MEX3D: variants seen among roughly 807,000 people sequenced by gnomAD.
MEX3D encodes the protein RNA-binding protein MEX3D.
Under a neutral mutation model 6.3 loss-of-function variants are expected in MEX3D, and 4 were observed. The ratio of observed to expected loss-of-function variants is 0.64; its 90% CI spans 0.31 to 1.46. The LOEUF is 1.46. Among genes scored for constraint, MEX3D ranks in the 40% most tolerant of loss-of-function variants. The pLI, the probability that MEX3D is intolerant of heterozygous loss-of-function variation, is 0.07. For missense variants in MEX3D, 1,038 were observed against 994.4 expected (o/e 1.04, Z -0.59); for synonymous variants, 626 against 494.1 (o/e 1.27, Z -3.54).
chr19:1,564,853 G>C (rs1914801010), intron 1 of MEX3D, among the ~76,000 whole-genome samples: 1 of 152,052 alleles, frequency 6.6e-6, no homozygotes, highest in Admixed American at 6.6e-5. Flanking sequence ...AGGAAGGTGA[G>C]TAAAGGGGCA....
chr19:1,567,326 G>T lies in MEX3D; in HGVS notation c.595+138C>A. 9.8e-7 allele frequency: 1 copy of T among 1,023,316 alleles called. No individual in the cohort carries two copies. Among genetic ancestry groups the T allele is most frequent in the Non-Finnish European group, 1.3e-6 (1 of 776,854 alleles). The allele number at this position is 1,023,316 out of a possible 1,614,324, so 63.4% of individuals were successfully genotyped here. On this transcript the variant is annotated intron_variant, in intron 1 of 1. Transcript: ENST00000402693. The surrounding 1 kb of genome is among the most constrained non-coding windows in gnomAD (Gnocchi z 6.5). ...GCAGGACAAAGGCGCAAAGGCAGCG[G>T]CCGAGGCCGGAGCCCACGCGGGGCG... is the stretch of plus-strand genomic sequence containing the variant.
rs368175378 is a variant in MEX3D at position 1,556,944 on chromosome 19, G to A, written c.596-21C>T. On this transcript the variant is annotated intron_variant, in intron 1 of 1. Coordinates refer to ENST00000402693, the MANE Select transcript of MEX3D (RefSeq NM_203304.4). This position sits in a 1 kb window ranked among gnomAD's most constrained non-coding sequence, Gnocchi z 7.5. ...GCAGCCTGTCCGGGAGGGAGGGGAA[G>A]GACAAGGTGACCCAGAGCCCCCTGC... is the stretch of plus-strand genomic sequence containing the variant. 952 of 1,576,338 alleles carry A rather than the reference G, an allele frequency of 6.0e-4. 1 individual carries two copies. Among genetic ancestry groups the A allele is most frequent in the Non-Finnish European group, 7.5e-4 (877 of 1,165,104 alleles).
chr19:1,562,264 A>AGAAAAGAAAAG (rs1229355634), intron 1 of MEX3D, among the ~76,000 whole-genome samples: 18 of 149,768 alleles, frequency 1.2e-4, no homozygotes, highest in South Asian at 2.1e-4. Context: ...CCGTCTCAAA[A>AGAAAAGAAAAG]AAAAAAAAAA....
Position 1,555,797 on chromosome 19 carries a change from G to A in MEX3D, c.1722C>T (p.Ala574=). 7.2e-7 allele frequency: 1 copy of A among 1,395,666 alleles called. No homozygotes were observed. The highest frequency in any genetic ancestry group is 9.2e-7 in the Non-Finnish European group (1 of 1,084,738). The allele number at this position is 1,395,666 out of a possible 1,614,324, so 86.5% of individuals were successfully genotyped here. A position where few individuals can be genotyped will look rare whatever the true frequency, so the allele number is the denominator to read the frequency against. ...LPSSPAAAAC[A]PLDSGASENS... ...TCTCGGAGGCGCCGGAGTCCAGGGG[G>A]GCGCAGGCGGCGGCCGCGGGGCTGC... Residue 574 remains alanine (A), a synonymous_variant, in exon 2 of 2, where the codon GCC becomes GCT. Coordinates refer to ENST00000402693, the MANE Select transcript of MEX3D (RefSeq NM_203304.4).
chr19:1,566,019 C>T (rs1310461454), intron 1 of MEX3D, among the ~76,000 whole-genome samples: 2 of 152,244 alleles, frequency 1.3e-5, no homozygotes, highest in Admixed American at 6.5e-5. Flanking sequence ...CCCCAGGCCT[C>T]GGCTTGGACG....
intron 1 of MEX3D, among the ~76,000 whole-genome samples, chr19:1,557,961 G>A (rs35813165): frequency 3.0e-5 from 4 of 131,648 alleles, no homozygotes; most frequent in Non-Finnish European, 6.2e-5. Context: ...GGCTGAGGCA[G>A]AACCGCCTGA....
chr19:1,559,175 A>C (rs1599324785), intron 1 of MEX3D, among the ~76,000 whole-genome samples: 1 of 152,084 alleles, frequency 6.6e-6, no homozygotes, highest in East Asian at 1.9e-4. Context: ...CTTGTTGCCC[A>C]GGCTGGAGTG....
At chr19:1,565,731 G>C (rs1914823010) in intron 1 of MEX3D, among the ~76,000 whole-genome samples, 1 of 152,210 alleles carries the variant, frequency 6.6e-6, no homozygotes, top group Non-Finnish European at 1.5e-5. Flanking sequence ...ACGGCCACCA[G>C]CAAGAGCCCA....
chr19:1,556,297 C>T lies in MEX3D; in HGVS notation c.1222G>A (p.Gly408Ser). ...APSAPEAFYAGSRGGPSVPDP... is the reference protein window; with the variant it reads ...APSAPEAFYASSRGGPSVPDP... ...GGCACGGAGGGGCCGCCGCGGCTGC[C>T]CGCGTAGAAGGCCTCGGGGGCGCTG... The change falls in exon 2 of 2, where the codon GGC becomes AGC. Residue 408 changes from glycine (G) to serine (S), a missense_variant. Gly to Ser is a moderately conservative substitution (Grantham distance 56). Coordinates refer to ENST00000402693, the MANE Select transcript of MEX3D (RefSeq NM_203304.4). This position sits in a 1 kb window ranked among gnomAD's most constrained non-coding sequence, Gnocchi z 7.5. 7.8e-7 allele frequency: 1 copy of T among 1,285,034 alleles called. No individual in the cohort carries two copies. Among genetic ancestry groups the T allele is most frequent in the South Asian group, 2.1e-5 (1 of 48,442 alleles). The allele number at this position is 1,285,034 out of a possible 1,614,324, so 79.6% of individuals were successfully genotyped here. A position where few individuals can be genotyped will look rare whatever the true frequency, so the allele number is the denominator to read the frequency against.
At position 1,555,900 on chromosome 19, in the gene MEX3D, G is replaced by A; in HGVS notation, c.1619C>T (p.Ala540Val). 1 of 1,234,332 alleles carries A rather than the reference G, an allele frequency of 8.1e-7. No individual in the cohort carries two copies. The highest frequency in any genetic ancestry group is 2.8e-5 in the South Asian group (1 of 35,782). 76.5% of individuals were successfully genotyped at this position (1,234,332 alleles called of 1,614,324 possible). ...SRRGAPDPVG[A>V]LSWRPPQGPV... is the part of the protein sequence containing the mutation. ...GCCCTGCGGGGGTCGCCAGGACAGCGCGCCCACCGGGTCCGGGGCGCCACG... is the reference window on the plus strand; with the variant it reads ...GCCCTGCGGGGGTCGCCAGGACAGCACGCCCACCGGGTCCGGGGCGCCACG... Residue 540 changes from alanine (A) to valine (V), a missense_variant, in exon 2 of 2, where the codon GCG becomes GTG. Physicochemically the swap from Ala to Val is moderately conservative, Grantham distance 64. Coordinates refer to ENST00000402693, the MANE Select transcript of MEX3D (RefSeq NM_203304.4).
chr19:1,567,553 AC>A lies in MEX3D; in HGVS notation c.505del (p.Val169Ter). On this transcript the variant is annotated frameshift_variant, in exon 1 of 2. Coordinates refer to ENST00000402693, the MANE Select transcript of MEX3D (RefSeq NM_203304.4). LOFTEE classifies it high-confidence loss of function. The surrounding 1 kb of genome is among the most constrained non-coding windows in gnomAD (Gnocchi z 6.5). Reference protein sequence around the residue: ...PPTLLADQMSVIGSRKKSVNM... With the variant: ...PPTLLADQMSXIGSRKKSVNM... ...GACGCTTTTCTTGCGGCTGCCGATC[AC>A]GCTCATCTGGTCGGCCAGCAGCGTC... The A allele has an allele frequency of 6.5e-7, 1 of 1,547,460 alleles. No homozygotes were observed. Among genetic ancestry groups the A allele is most frequent in the Non-Finnish European group, 8.7e-7 (1 of 1,150,044 alleles).
Position 1,556,958 on chromosome 19 carries a change from A to G in MEX3D, c.596-35T>C. On this transcript the variant is annotated intron_variant, in intron 1 of 1. Coordinates refer to ENST00000402693, the MANE Select transcript of MEX3D (RefSeq NM_203304.4). This position sits in a 1 kb window ranked among gnomAD's most constrained non-coding sequence, Gnocchi z 7.5. The stretch of plus-strand genomic sequence containing the variant: ...AGGGAGGGGAAGGACAAGGTGACCC[A>G]GAGCCCCCTGCGCAGCTCAGCCCCG... 3 of 1,563,046 alleles carry G rather than the reference A, an allele frequency of 1.9e-6. No homozygotes were observed. Among genetic ancestry groups the G allele is most frequent in the Non-Finnish European group, 2.6e-6 (3 of 1,159,916 alleles).
intron 1 of MEX3D, among the ~76,000 whole-genome samples, chr19:1,557,248 T>C (rs1464350722): frequency 6.6e-6 from 1 of 152,124 alleles, no homozygotes; most frequent in Non-Finnish European, 1.5e-5. Flanking sequence ...GACCCTAATA[T>C]GCGGCGTTGA....
At chr19:1,565,656 C>A (rs1914821106) in intron 1 of MEX3D, among the ~76,000 whole-genome samples, 1 of 152,172 alleles carries the variant, frequency 6.6e-6, no homozygotes, top group Non-Finnish European at 1.5e-5. Flanking sequence ...CGGCGGCCTG[C>A]AGGACAAGCA....
In MEX3D at chr19:1,555,192, A is replaced by C; in HGVS notation, c.*371T>G. On this transcript the variant is annotated 3_prime_UTR_variant, in exon 2 of 2. Transcript: ENST00000402693. ...AAAACGGCTTCGGACGAAAGGAAAA[A>C]ACGCTGAGCGCTGGAAAAGTCGTGT... 1 of 862,302 alleles carries C rather than the reference A, an allele frequency of 1.2e-6. No individual in the cohort carries two copies. The highest frequency in any genetic ancestry group is 1.6e-6 in the Non-Finnish European group (1 of 629,506). 53.4% of individuals were successfully genotyped at this position (862,302 alleles called of 1,614,324 possible). A position where few individuals can be genotyped will look rare whatever the true frequency, so the allele number is the denominator to read the frequency against.
rs2085628801 is a variant in MEX3D at position 1,556,106 on chromosome 19, G to A, written c.1413C>T (p.Thr471=). The A allele has an allele frequency of 6.9e-7, 1 of 1,451,002 alleles. No individual in the cohort carries two copies. The highest frequency in any genetic ancestry group is 9.1e-7 in the Non-Finnish European group (1 of 1,101,420). 89.9% of individuals were successfully genotyped at this position (1,451,002 alleles called of 1,614,324 possible). A position where few individuals can be genotyped will look rare whatever the true frequency, so the allele number is the denominator to read the frequency against. ...ALDLTVPAAA[T]IWAPFERAAP... is the part of the protein sequence containing the mutation. ...CGGCGCGCTCAAAAGGCGCCCAGAT[G>A]GTGGCCGCGGCGGGCACGGTCAGGT... Residue 471 remains threonine, a synonymous_variant, in exon 2 of 2, where the codon ACC becomes ACT. Coordinates refer to ENST00000402693, the MANE Select transcript of MEX3D (RefSeq NM_203304.4). The surrounding 1 kb of genome is among the most constrained non-coding windows in gnomAD (Gnocchi z 7.5).
In MEX3D at chr19:1,555,430, C is replaced by G. The variant is rs764791505; in HGVS notation, c.*133G>C. 2 of 1,527,660 alleles carry G rather than the reference C, an allele frequency of 1.3e-6. No individual in the cohort carries two copies. Among genetic ancestry groups the G allele is most frequent in the African/African-American group, 1.6e-5 (1 of 60,822 alleles). The allele number at this position is 1,527,660 out of a possible 1,614,324, so 94.6% of individuals were successfully genotyped here. A position where few individuals can be genotyped will look rare whatever the true frequency, so the allele number is the denominator to read the frequency against. ...AAGCTCATCTGTAAACACTGGCCGC[C>G]GCCCACCCCCCTGCCCCCTCGGCCT... On this transcript the variant is annotated 3_prime_UTR_variant, in exon 2 of 2. Coordinates refer to ENST00000402693, the MANE Select transcript of MEX3D (RefSeq NM_203304.4).
Position 1,555,370 on chromosome 19 carries a change from C to G in MEX3D, c.*193G>C. The G allele has an allele frequency of 6.3e-7, 1 of 1,599,986 alleles. No homozygotes were observed. Among genetic ancestry groups the G allele is most frequent in the Non-Finnish European group, 8.5e-7 (1 of 1,172,504 alleles). ...GAAGGGCTGAGGCGCCGCCGGGCTG[C>G]GGGGTCTCCGTCTCCACGCCTGAGG... is the stretch of plus-strand genomic sequence containing the variant. On this transcript the variant is annotated 3_prime_UTR_variant, in exon 2 of 2. Transcript: ENST00000402693.
At position 1,556,961 on chromosome 19, in the gene MEX3D, G is replaced by A. The variant is rs760580946; in HGVS notation, c.596-38C>T. The A allele has an allele frequency of 1.9e-6, 3 of 1,551,848 alleles. No individual in the cohort carries two copies. Among genetic ancestry groups the A allele is most frequent in the Non-Finnish European group, 1.7e-6 (2 of 1,154,718 alleles). On this transcript the variant is annotated intron_variant, in intron 1 of 1. Coordinates refer to ENST00000402693, the MANE Select transcript of MEX3D (RefSeq NM_203304.4). This position sits in a 1 kb window ranked among gnomAD's most constrained non-coding sequence, Gnocchi z 7.5. ...GAGGGGAAGGACAAGGTGACCCAGA[G>A]CCCCCTGCGCAGCTCAGCCCCGCTG...
Sources: gnomAD v4.1 joint callset for allele counts (sites outside exome capture counted in the v4.1 genomes callset) on GRCh38, gnomAD v4.1.1 for gene constraint, Gnocchi (gnomAD v3.1) non-coding constraint, MANE v1.5 for transcripts, NCBI Gene and HGNC (gene_info 2026-07-23, HGNC 2026-07-21) for gene names.